Variants in ATP5MJ observed in about 807,000 individuals in gnomAD.
ATP5MJ encodes the protein ATP synthase F(0) complex subunit j, mitochondrial.
Under a neutral mutation model 8.3 loss-of-function variants are expected in ATP5MJ, and 4 were observed. That is an observed-to-expected ratio of 0.48 (90% confidence interval 0.24 to 1.11). The LOEUF (loss-of-function observed/expected upper bound fraction) is 1.11. Ranked by LOEUF, ATP5MJ falls within the 50% of genes least tolerant of loss-of-function variation. The pLI is 0.18. For synonymous variants in ATP5MJ, 23 were observed against 21.3 expected, an observed-to-expected ratio of 1.08 and a Z score of -0.23; for missense variants, 66 against 71.8, an observed-to-expected ratio of 0.92 and a Z score of 0.29.
In ATP5MJ at chr14:103,914,792, G is replaced by A. The variant is rs183875867; in HGVS notation, c.124+274C>T. The A allele has an allele frequency of 3.2e-4, 152 of 477,490 alleles. 1 individual carries two copies. The East Asian group carries it at 4.7e-3, about 15-fold the overall frequency. The allele number at this position is 477,490 out of a possible 1,614,324, so 29.6% of individuals were successfully genotyped here. On this transcript the variant is annotated intron_variant, in intron 2 of 3. Coordinates refer to ENST00000286953, the MANE Select transcript of ATP5MJ (RefSeq NM_004894.3). ...GTGGAGGCTGCAGTGAACCATGATC[G>A]TGCCATTGCACTCCAGCCTGGGCGT...
At chr14:103,918,996 T>C (rs1311271874) in intron 1 of ATP5MJ, among the ~76,000 whole-genome samples, 4 of 151,462 alleles carry the variant, frequency 2.6e-5, no homozygotes, top group Non-Finnish European at 5.9e-5. Flanking sequence ...CACTCCAGCC[T>C]GGGTGACAGA....
intron 1 of ATP5MJ, chr14:103,920,874 G>A (rs959047082): frequency 1.9e-5 from 21 of 1,097,722 alleles, no homozygotes; most frequent in South Asian, 5.3e-5. Flanking sequence ...TAGGCCAAAC[G>A]TGTGTCTACT....
chr14:103,912,949 C>T (rs1255989203), intron 3 of ATP5MJ: 2 of 511,136 alleles, frequency 3.9e-6, no homozygotes, highest in Non-Finnish European at 7.0e-6. Context: ...TCCTCAAACT[C>T]ATGTAGCCAG....
intron 1 of ATP5MJ, among the ~76,000 whole-genome samples, chr14:103,919,034 A>G (rs1414188625): frequency 1.3e-5 from 2 of 151,572 alleles, no homozygotes; most frequent in South Asian, 2.1e-4. Context: ...AAACAAAAAC[A>G]AAGGAGAAAC....
At chr14:103,914,849 A>AAAAAAAAAAAAAC in intron 2 of ATP5MJ, 1 of 365,066 alleles carries the variant, frequency 2.7e-6, no homozygotes, top group East Asian at 5.4e-5. Context: ...AAAAAAAAAA[A>AAAAAAAAAAAAAC]AAAAAAAAGA....
At chr14:103,913,883 G>T in intron 3 of ATP5MJ, 78 bp downstream of exon 3, 1 of 1,516,164 alleles carries the variant, frequency 6.6e-7, no homozygotes, top group African/African-American at 1.4e-5. Flanking sequence ...TTTCAATTGA[G>T]AACAACGATA....
chr14:103,913,702 A>AT (rs1194946002), intron 3 of ATP5MJ: 2 of 561,650 alleles, frequency 3.6e-6, no homozygotes, highest in East Asian at 5.9e-5. Context: ...ATTGGTGATG[A>AT]TATCGACTAC....
intron 1 of ATP5MJ, among the ~76,000 whole-genome samples, chr14:103,915,390 A>T (rs2087617221): frequency 6.6e-6 from 1 of 152,008 alleles, no homozygotes; most frequent in Admixed American, 6.6e-5. Context: ...TCTGTCACCC[A>T]GGCTGGAGTG....
chr14:103,913,699 A>T, intron 3 of ATP5MJ: 1 of 558,506 alleles, frequency 1.8e-6, no homozygotes, highest in Non-Finnish European at 3.1e-6. Context: ...CCTATTGGTG[A>T]TGATATCGAC....
In ATP5MJ at chr14:103,912,636, T is replaced by G. The variant is rs373441530; in HGVS notation, c.*30A>C. ...TGAAATTTACAGGCAGACTGACGTT[T>G]TCTTTCACATGTACTCCAAGTAAAT... On this transcript the variant is annotated 3_prime_UTR_variant, in exon 4 of 4. Coordinates refer to ENST00000286953, the MANE Select transcript of ATP5MJ (RefSeq NM_004894.3). 7.4e-6 allele frequency: 12 copies of G among 1,611,824 alleles called. No homozygotes were observed. The highest frequency in any genetic ancestry group is 2.7e-5 in the African/African-American group (2 of 74,816).
At chr14:103,912,790 G>A in intron 3 of ATP5MJ, 96 bp from the exon 4 acceptor site, 3 of 1,248,186 alleles carry the variant, frequency 2.4e-6, no homozygotes, top group Non-Finnish European at 3.5e-6. Flanking sequence ...TTGATCAACA[G>A]TCCAAAAAGA....
At chr14:103,921,157 T>C (rs890786333) in intron 1 of ATP5MJ, 4 of 852,230 alleles carry the variant, frequency 4.7e-6, no homozygotes, top group Admixed American at 2.2e-5. Flanking sequence ...TCTCTAACTC[T>C]GCGTAGCCTC....
chr14:103,921,213 C>G lies in ATP5MJ; in HGVS notation c.-1+257G>C, dbSNP rs958133991. The G allele has an allele frequency of 2.5e-5, 15 of 596,952 alleles. No individual in the cohort carries two copies. The African/African-American group carries it at 2.6e-4, about 10-fold the overall frequency. The allele number at this position is 596,952 out of a possible 1,614,324, so 37.0% of individuals were successfully genotyped here. On this transcript the variant is annotated intron_variant, in intron 1 of 3. Transcript: ENST00000286953. The stretch of plus-strand genomic sequence containing the variant: ...CTCAAGGCCAAGGTACGCTCCCTGT[C>G]AAAACCGTGGGAGAATTCAGGTGCA...
rs781331303 is a variant in ATP5MJ at position 103,915,233 on chromosome 14, T to C, written c.1-44A>G. 7.5e-6 allele frequency: 12 copies of C among 1,599,438 alleles called. No homozygotes were observed. In the East Asian group the frequency reaches 2.7e-4, roughly 36 times the overall value. The stretch of plus-strand genomic sequence containing the variant: ...ATTAAAAATTAGAATGATGATTGCT[T>C]TAAACCTAACTGGTAAAAGATTTTA... On this transcript the variant is annotated intron_variant, in intron 1 of 3. Transcript: ENST00000286953.
chr14:103,913,836 C>G (rs767734012), intron 3 of ATP5MJ, 125 bp downstream of exon 3: 2 of 1,129,166 alleles, frequency 1.8e-6, no homozygotes, highest in South Asian at 2.9e-5. Context: ...TGAAGCATTT[C>G]AACTGCACCT....
intron 1 of ATP5MJ, chr14:103,921,079 G>T: frequency 6.6e-7 from 1 of 1,525,652 alleles, no homozygotes; most frequent in South Asian, 1.2e-5. Context: ...GTGGCGCAAG[G>T]AAACTTGAGT....
intron 1 of ATP5MJ, 80 bp from the exon 2 acceptor site, chr14:103,915,269 T>C (rs557285040): frequency 6.6e-7 from 1 of 1,522,782 alleles, no homozygotes; most frequent in South Asian, 1.2e-5. Context: ...ATTTGTTAAG[T>C]TCAACCCCAT....
intron 1 of ATP5MJ, among the ~76,000 whole-genome samples, chr14:103,917,138 C>T (rs890346868): frequency 2.0e-5 from 3 of 152,124 alleles, no homozygotes; most frequent in East Asian, 1.9e-4. Flanking sequence ...AGAATGAACT[C>T]GGAGAGCTGG....
Position 103,919,787 on chromosome 14 carries a change from C to T in ATP5MJ, c.-1+1683G>A, listed in dbSNP as rs570129349. 1.4e-4 allele frequency among the ~76,000 whole-genome samples: 22 copies of T among 152,224 alleles called. No individual in the cohort carries two copies. In the South Asian group the frequency reaches 2.5e-3, roughly 17 times the overall value. ...CCCTTGACTTCAGTTGCCATATTTG[C>T]CTGGACAAGTGACATGTTCCCAATA... is the stretch of plus-strand genomic sequence containing the variant. On this transcript the variant is annotated intron_variant, in intron 1 of 3. Transcript: ENST00000286953.
Sources: allele counts gnomAD v4.1 joint callset (sites outside exome capture counted in the v4.1 genomes callset), GRCh38; gene constraint gnomAD v4.1.1; transcripts MANE v1.5; gene names NCBI Gene and HGNC (gene_info 2026-07-23, HGNC 2026-07-21).